Variants in LRP11 observed in about 807,000 individuals in gnomAD.
LRP11 encodes the protein LDL receptor related protein 11.
A neutral mutation model predicts 43.1 loss-of-function variants in LRP11; 25 were observed. The observed-to-expected ratio is 0.58, with a 90% CI of 0.42 to 0.81. The LOEUF (loss-of-function observed/expected upper bound fraction) is 0.81. Ranked by LOEUF, LRP11 falls within the 30% of genes least tolerant of loss-of-function variation. The pLI, the probability that LRP11 is intolerant of heterozygous loss-of-function variation, is 0.00. For synonymous variants in LRP11, 316 were observed against 299.4 expected (o/e 1.06, Z -0.57); for missense variants, 623 against 665.1 (o/e 0.94, Z 0.70).
At chr6:149,829,586 T>A (rs1355110168) in intron 5 of LRP11, among the ~76,000 whole-genome samples, 1 of 150,510 alleles carries the variant, frequency 6.6e-6, no homozygotes, top group African/African-American at 2.4e-5. Flanking sequence ...TAAAATAAAA[T>A]AAAAATAAAA....
intron 1 of LRP11, among the ~76,000 whole-genome samples, chr6:149,857,542 A>T (rs9383561): frequency 6.6e-6 from 1 of 152,004 alleles, no homozygotes; most frequent in African/African-American, 2.4e-5. Flanking sequence ...CAAAGATGGT[A>T]ACAGCCCTTT....
chr6:149,822,544 G>T (rs1269786745), intron 6 of LRP11, among the ~76,000 whole-genome samples: 3 of 151,428 alleles, frequency 2.0e-5, no homozygotes, highest in African/African-American at 7.3e-5. Context: ...GTCTAAGATT[G>T]TTAAGTGGTA....
intron 1 of LRP11, among the ~76,000 whole-genome samples, chr6:149,859,396 A>ATATATATATATTTTTTT: frequency 1.8e-4 from 13 of 71,490 alleles, no homozygotes; most frequent in African/African-American, 1.1e-3. Flanking sequence ...ATATATATAT[A>ATATATATATATTTTTTT]TTTTTTTTTT....
rs10553273 is a variant in LRP11, at chr6:149,862,577, C to CT, written c.613+830dup. 4.2e-3 allele frequency among the ~76,000 whole-genome samples: 525 copies of CT among 126,180 alleles called. 15 individuals carry two copies. Among genetic ancestry groups the CT allele is most frequent in the African/African-American group, 0.014 (479 of 33,076 alleles). The allele number at this position is 126,180 out of a possible 152,430, so 82.8% of individuals were successfully genotyped here. A position where few individuals can be genotyped will look rare whatever the true frequency, so the allele number is the denominator to read the frequency against. On this transcript the variant is annotated intron_variant, in intron 1 of 6. Coordinates refer to ENST00000239367, the MANE Select transcript of LRP11 (RefSeq NM_032832.6). ...CTTTAAAGTTTCCTATTTTCTTTTC[C>CT]TTTTTTTTTTTTTTTTTTTAAGATG... is the stretch of plus-strand genomic sequence containing the variant.
At chr6:149,833,956 C>T (rs117090604) in intron 5 of LRP11, among the ~76,000 whole-genome samples, 2,128 of 152,156 alleles carry the variant, frequency 0.014, 12 homozygotes, top group Non-Finnish European at 0.022. Context: ...GTTTGCTGCA[C>T]AGATCATCCC....
At chr6:149,858,047 T>C (rs1776827740) in intron 1 of LRP11, among the ~76,000 whole-genome samples, 1 of 148,952 alleles carries the variant, frequency 6.7e-6, no homozygotes, top group South Asian at 2.1e-4. Context: ...ATACTTCTTT[T>C]TAATTATTTT....
In LRP11 at chr6:149,843,015, A is replaced by C; in HGVS notation, c.881T>G (p.Val294Gly). The C allele has an allele frequency of 6.2e-7, 1 of 1,614,208 alleles. No homozygotes were observed. Among genetic ancestry groups the C allele is most frequent in the Non-Finnish European group, 8.5e-7 (1 of 1,180,032 alleles). ...AGQRSSDNVS[V>G]TVLRAAYSTG... is the part of the protein sequence containing the mutation. ...GGAGTAGGCTGCGCGAAGCACTGTC[A>C]CTGACACGTTGTCAGAGCTTCTCTG... The change falls in exon 3 of 7, where the codon GTG (valine) becomes GGG (glycine). Residue 294 changes from valine to glycine, a missense_variant. Coordinates refer to ENST00000239367, the MANE Select transcript of LRP11 (RefSeq NM_032832.6).
intron 3 of LRP11, among the ~76,000 whole-genome samples, chr6:149,838,535 A>G (rs1483369649): frequency 6.6e-6 from 1 of 151,730 alleles, no homozygotes; most frequent in Non-Finnish European, 1.5e-5. Context: ...AATACAAAAA[A>G]TTAGCCGGGC....
intron 6 of LRP11, chr6:149,826,026 AC>A: frequency 4.2e-6 from 2 of 481,030 alleles, no homozygotes; most frequent in Non-Finnish European, 7.5e-6. Flanking sequence ...GACATTTTCC[AC>A]AGGTGTCACA....
At chr6:149,861,127 T>A (rs1776886167) in intron 1 of LRP11, among the ~76,000 whole-genome samples, 1 of 152,180 alleles carries the variant, frequency 6.6e-6, no homozygotes, top group Non-Finnish European at 1.5e-5. Context: ...AGGGCTCTTC[T>A]AAACCATTTT....
Position 149,863,412 on chromosome 6 carries a change from C to A in LRP11, c.609G>T (p.Arg203=). Residue 203 remains arginine (R), a synonymous_variant, in exon 1 of 7, where the codon CGG becomes CGT. Transcript: ENST00000239367. ...GCCCCTCAGTCGCGCGCTTACCCTG[C>A]CGGGGCGAGGCGCGCGCGGTGGCCA... is the stretch of plus-strand genomic sequence containing the variant. ...AALATARASP[R]QEKDAPPLSK... 7.5e-7 allele frequency: 1 copy of A among 1,336,848 alleles called. No homozygotes were observed. The highest frequency in any genetic ancestry group is 9.5e-7 in the Non-Finnish European group (1 of 1,052,172). The allele number at this position is 1,336,848 out of a possible 1,614,324, so 82.8% of individuals were successfully genotyped here.
chr6:149,833,935 G>A (rs944098749), intron 5 of LRP11, among the ~76,000 whole-genome samples: 4 of 152,044 alleles, frequency 2.6e-5, no homozygotes, highest in Non-Finnish European at 2.9e-5. Flanking sequence ...ACAGGTAAAC[G>A]TGTCATGGTG....
At chr6:149,845,573 T>C (rs1776619818) in intron 2 of LRP11, among the ~76,000 whole-genome samples, 2 of 152,260 alleles carry the variant, frequency 1.3e-5, no homozygotes, top group Admixed American at 1.3e-4. Context: ...AAACGGGTCA[T>C]TTACGTGAGT....
At chr6:149,859,396 A>ATATATATATATATATATATATTTTT in intron 1 of LRP11, among the ~76,000 whole-genome samples, 22 of 71,470 alleles carry the variant, frequency 3.1e-4, no homozygotes, top group Non-Finnish European at 4.1e-4. Context: ...ATATATATAT[A>ATATATATATATATATATATATTTTT]TTTTTTTTTT....
chr6:149,863,134 C>T (rs1255712445), intron 1 of LRP11, among the ~76,000 whole-genome samples: 1 of 152,174 alleles, frequency 6.6e-6, no homozygotes, highest in Non-Finnish European at 1.5e-5. Context: ...CAGCATTTCT[C>T]CCCTTTTAAG....
intron 1 of LRP11, among the ~76,000 whole-genome samples, chr6:149,862,316 C>T (rs114079085): frequency 0.01 from 1,592 of 152,282 alleles, 33 homozygotes; most frequent in African/African-American, 0.036. Flanking sequence ...GAGCTCCGCC[C>T]CCATCTTGCT....
chr6:149,863,565 C>G lies in LRP11; in HGVS notation c.456G>C (p.Ala152=). ...VAVVELPRRP[A]PPAAVLGCYL... is the part of the protein sequence containing the mutation. ...AGCAGCCGAGCACGGCTGCCGGGGG[C>G]GCGGGGCGCCGGGGCAGCTCCACCA... The change falls in exon 1 of 7, where the codon GCG becomes GCC. Residue 152 remains alanine (A), a synonymous_variant. Transcript: ENST00000239367. 7.2e-7 allele frequency: 1 copy of G among 1,379,402 alleles called. No individual in the cohort carries two copies. The highest frequency in any genetic ancestry group is 9.3e-7 in the Non-Finnish European group (1 of 1,073,536). The allele number at this position is 1,379,402 out of a possible 1,614,324, so 85.4% of individuals were successfully genotyped here.
chr6:149,842,818 A>G, intron 3 of LRP11, 165 bp downstream of exon 3: 2 of 1,206,314 alleles, frequency 1.7e-6, no homozygotes, highest in Non-Finnish European at 2.3e-6. Flanking sequence ...CCAAAACAGA[A>G]GAGAGCCTGC....
At chr6:149,833,686 G>T (rs906199927) in intron 5 of LRP11, among the ~76,000 whole-genome samples, 1 of 151,956 alleles carries the variant, frequency 6.6e-6, no homozygotes, top group African/African-American at 2.4e-5. Flanking sequence ...ATTAGAAAAA[G>T]CCCTAATATA....
Sources: gnomAD v4.1 joint callset for allele counts (sites outside exome capture counted in the v4.1 genomes callset) on GRCh38, gnomAD v4.1.1 for gene constraint, MANE v1.5 for transcripts, NCBI Gene and HGNC (gene_info 2026-07-23, HGNC 2026-07-21) for gene names.